The following CRISP2 variants were observed in gnomAD, a reference collection of about 807,000 sequenced individuals.
The protein encoded by CRISP2 is cysteine rich secretory protein 2.
Under a neutral mutation model 31.7 loss-of-function variants are expected in CRISP2, and 29 were observed. That is an observed-to-expected ratio of 0.92 (90% CI 0.68 to 1.25). CRISP2 has a LOEUF of 1.25. Ranked by LOEUF, CRISP2 falls within the 50% of genes most tolerant of loss-of-function variation. The pLI is 0.00. For synonymous variants in CRISP2, 111 were observed against 101.4 expected, an observed-to-expected ratio of 1.09 and a Z score of -0.57; for missense variants, 318 against 286.5, an observed-to-expected ratio of 1.11 and a Z score of -0.79.
intron 4 of CRISP2, among the ~76,000 whole-genome samples, chr6:49,703,558 G>GT: frequency 6.6e-6 from 1 of 152,074 alleles, no homozygotes; most frequent in Non-Finnish European, 1.5e-5. Context: ...ATACTCCAAA[G>GT]TATTTTATTG....
downstream of CRISP2, among the ~76,000 whole-genome samples, chr6:49,690,988 A>C (rs1033046458): frequency 2.0e-5 from 3 of 151,890 alleles, no homozygotes; most frequent in Non-Finnish European, 4.4e-5. Flanking sequence ...AGAGTTAGAT[A>C]AATTTTAAGA....
intron 7 of CRISP2, 58 bp from the exon 8 acceptor site, chr6:49,698,015 T>TC (rs1308088817): frequency 7.5e-7 from 1 of 1,333,132 alleles, no homozygotes; most frequent in African/African-American, 1.5e-5. Context: ...TGAAAAATAT[T>TC]TAAAAAAGTA....
chr6:49,679,264 C>T, the CRISP2 span, among the ~76,000 whole-genome samples: 19 of 152,184 alleles, frequency 1.2e-4, no homozygotes, highest in African/African-American at 4.6e-4. Context: ...TGATTTTTAA[C>T]CTAAATTCCA....
intron 4 of CRISP2, among the ~76,000 whole-genome samples, chr6:49,708,150 G>T (rs1582135075): frequency 6.6e-6 from 1 of 151,938 alleles, no homozygotes; most frequent in East Asian, 1.9e-4. Context: ...TCATTAAAAA[G>T]AAATAAAATT....
intron 8 of CRISP2, 103 bp from the exon 9 acceptor site, chr6:49,696,027 G>A (rs1486959286): frequency 1.1e-5 from 7 of 641,174 alleles, no homozygotes; most frequent in Non-Finnish European, 1.8e-5. Context: ...AGGGTTTTTA[G>A]TATGTTAACA....
chr6:49,694,303 G>C (rs1267974530), intron 9 of CRISP2, among the ~76,000 whole-genome samples: 1 of 152,192 alleles, frequency 6.6e-6, no homozygotes, highest in Admixed American at 6.5e-5. Context: ...GCCAGCAGCT[G>C]TTATGACTTT....
chr6:49,696,257 G>C (rs1304285351), intron 8 of CRISP2, among the ~76,000 whole-genome samples: 1 of 152,062 alleles, frequency 6.6e-6, no homozygotes, highest in African/African-American at 2.4e-5. Context: ...ACCCCAAGGT[G>C]CCAATTAGGG....
At chr6:49,686,202 T>C in the CRISP2 span, among the ~76,000 whole-genome samples, 1 of 152,248 alleles carries the variant, frequency 6.6e-6, no homozygotes, top group Admixed American at 6.5e-5. Flanking sequence ...ATAAATATCC[T>C]TATTATTCAT....
the CRISP2 span, among the ~76,000 whole-genome samples, chr6:49,683,166 A>ATAAATAAC: frequency 8.1e-6 from 1 of 123,530 alleles, no homozygotes; most frequent in Non-Finnish European, 1.6e-5. Flanking sequence ...CTCAAAATAA[A>ATAAATAAC]TAAATAAATA....
chr6:49,684,937 C>T, the CRISP2 span, among the ~76,000 whole-genome samples: 10 of 152,188 alleles, frequency 6.6e-5, no homozygotes, highest in Non-Finnish European at 1.2e-4. Flanking sequence ...GAACTTTCAT[C>T]TCCTCTGTAG....
downstream of CRISP2, among the ~76,000 whole-genome samples, chr6:49,691,985 C>T (rs1223934234): frequency 6.6e-6 from 1 of 151,858 alleles, no homozygotes; most frequent in Non-Finnish European, 1.5e-5. Context: ...CTTACTTTAC[C>T]CTGTCGTTAC....
At chr6:49,682,243 G>T in the CRISP2 span, among the ~76,000 whole-genome samples, 1 of 151,942 alleles carries the variant, frequency 6.6e-6, no homozygotes, top group African/African-American at 2.4e-5. Flanking sequence ...AGGAATCTCA[G>T]GTGGTATTGT....
At chr6:49,711,187 A>G (rs771348209) in intron 3 of CRISP2, 98 bp downstream of exon 3, 2 of 152,136 alleles carry the variant, frequency 1.3e-5, no homozygotes, top group Non-Finnish European at 2.9e-5. Context: ...CAAAAAAATA[A>G]AATCATGGGC....
intron 4 of CRISP2, among the ~76,000 whole-genome samples, chr6:49,708,675 C>T (rs1767480315): frequency 6.6e-6 from 1 of 152,122 alleles, no homozygotes; most frequent in Non-Finnish European, 1.5e-5. Flanking sequence ...GCCTCCATAA[C>T]TGTGAGAGAA....
chr6:49,683,434 G>C, the CRISP2 span, among the ~76,000 whole-genome samples: 1 of 150,478 alleles, frequency 6.6e-6, no homozygotes, highest in East Asian at 2.0e-4. Flanking sequence ...CAGCACTTTG[G>C]GAGGCTGAGG....
In CRISP2 at chr6:49,701,517, TATATATATAC is replaced by T. The variant is rs1765710884; in HGVS notation, c.67-743_67-734del. Reference sequence around the variant, plus strand: ...GTGTGTGTGTATATATATATATATATATATATATACACACACACACACACACAGTATATAT... The same window carrying T: ...GTGTGTGTGTATATATATATATATATACACACACACACACACAGTATATAT... On this transcript the variant is annotated intron_variant, in intron 4 of 9. Coordinates refer to ENST00000339139, the MANE Select transcript of CRISP2 (RefSeq NM_003296.4). Among the ~76,000 whole-genome samples, 2 of 129,150 alleles carry T rather than the reference TATATATATAC, an allele frequency of 1.5e-5. 1 individual carries two copies. The highest frequency in any genetic ancestry group is 4.4e-4 in the East Asian group (2 of 4,520). 84.7% of individuals were successfully genotyped at this position (129,150 alleles called of 152,430 possible). A position where few individuals can be genotyped will look rare whatever the true frequency, so the allele number is the denominator to read the frequency against.
chr6:49,703,819 T>C (rs2127420131), intron 4 of CRISP2, among the ~76,000 whole-genome samples: 1 of 152,336 alleles, frequency 6.6e-6, no homozygotes, highest in South Asian at 2.1e-4. Context: ...GATAACCTGA[T>C]GACTATGTAC....
At chr6:49,677,484 G>A in the CRISP2 span, among the ~76,000 whole-genome samples, 1 of 152,232 alleles carries the variant, frequency 6.6e-6, no homozygotes, top group South Asian at 2.1e-4. Flanking sequence ...GAGCACGGAT[G>A]ACAACTATTC....
Position 49,699,752 on chromosome 6 carries a change from A to ATAATATTATT in CRISP2, c.271+51_271+52insAATAATATTA. 4.0e-6 allele frequency: 5 copies of ATAATATTATT among 1,257,162 alleles called. No individual in the cohort carries two copies. In the South Asian group the frequency reaches 6.3e-5, roughly 16 times the overall value. 77.9% of individuals were successfully genotyped at this position (1,257,162 alleles called of 1,614,324 possible). On this transcript the variant is annotated intron_variant, in intron 6 of 9. Coordinates refer to ENST00000339139, the MANE Select transcript of CRISP2 (RefSeq NM_003296.4). Reference sequence around the variant, plus strand: ...ATTATAGAGCATCCTACAATGCTCTATTATTATTTTATTCATTTATTTATT... The same window carrying ATAATATTATT: ...ATTATAGAGCATCCTACAATGCTCTATAATATTATTTTATTATTTTATTCATTTATTTATT...
Sources: allele counts gnomAD v4.1 joint callset (sites outside exome capture counted in the v4.1 genomes callset), GRCh38; gene constraint gnomAD v4.1.1; transcripts MANE v1.5; gene names NCBI Gene and HGNC (gene_info 2026-07-23, HGNC 2026-07-21).